ANK3: variants seen among roughly 807,000 people sequenced by gnomAD.
ANK3 encodes the protein ankyrin 3.
Under a neutral mutation model 370.9 loss-of-function variants are expected in ANK3, and 57 were observed. The observed-to-expected ratio is 0.15, with a 90% CI of 0.12 to 0.19. The LOEUF (loss-of-function observed/expected upper bound fraction) is 0.19, where lower values mean the gene tolerates loss of function less well. Ranked by LOEUF, ANK3 falls within the 10% of genes least tolerant of loss-of-function variation. The pLI is 1.00. For synonymous variants in ANK3, 1,929 were observed against 1,946.3 expected (o/e 0.99, Z 0.23); for missense variants, 4,439 against 5,302.1 (o/e 0.84, Z 5.06).
At chr10:60,354,446 T>C (rs988347139) in intron 1 of ANK3, among the ~76,000 whole-genome samples, 3 of 152,254 alleles carry the variant, frequency 2.0e-5, no homozygotes, top group Non-Finnish European at 4.4e-5. Context: ...AGTAAACTGC[T>C]TTCATTACCA....
chr10:60,542,125 T>TA (rs893743698), intron 2 of ANK3, among the ~76,000 whole-genome samples: 1 of 151,690 alleles, frequency 6.6e-6, no homozygotes, highest in Non-Finnish European at 1.5e-5. Context: ...TTGGCTGTAA[T>TA]TTTTTTTAAT....
chr10:60,391,628 C>G (rs1276600492), upstream of ANK3, among the ~76,000 whole-genome samples: 1 of 152,178 alleles, frequency 6.6e-6, no homozygotes, highest in Non-Finnish European at 1.5e-5. Flanking sequence ...CCTGGATCAT[C>G]TTTTCTTTCT....
chr10:60,121,961 G>A lies in ANK3; in HGVS notation c.2842-7630C>T, dbSNP rs558886537. On this transcript the variant is annotated intron_variant, in intron 25 of 43. Transcript: ENST00000280772. ...AATTTTAAAATAAAAATGATAAACA[G>A]GATACCACATATGATGATGGTTAAA... Among the ~76,000 whole-genome samples, 5 of 152,170 alleles carry A rather than the reference G, an allele frequency of 3.3e-5. No individual in the cohort carries two copies. In the South Asian group the frequency reaches 1.0e-3, roughly 32 times the overall value.
At chr10:60,660,509 C>T (rs61854514) in intron 1 of ANK3, among the ~76,000 whole-genome samples, 22,394 of 151,834 alleles carry the variant, frequency 0.15, 2,088 homozygotes, top group South Asian at 0.26. Context: ...TCCAAGTTGC[C>T]CCTGTTGTCA....
chr10:60,381,262 G>A (rs776940171), intron 1 of ANK3, among the ~76,000 whole-genome samples: 2 of 151,800 alleles, frequency 1.3e-5, no homozygotes, highest in Non-Finnish European at 2.9e-5. Flanking sequence ...GCAAAATAAA[G>A]TTCATTTATT....
At chr10:60,395,564 C>CT (rs763375553) in intron 2 of ANK3, among the ~76,000 whole-genome samples, 5 of 101,714 alleles carry the variant, frequency 4.9e-5, no homozygotes, top group South Asian at 6.2e-4. Context: ...TTCTTTCTTT[C>CT]TTTCTTTCTT....
chr10:60,278,903 C>A (rs761975684), intron 3 of ANK3, 31 bp from the exon 4 acceptor site: 6 of 1,603,430 alleles, frequency 3.7e-6, no homozygotes, highest in Non-Finnish European at 4.3e-6. Flanking sequence ...TATATCAACT[C>A]ATCGATCTTT....
In ANK3 at chr10:60,084,707, G is replaced by A. The variant is rs140104995; in HGVS notation, c.3969C>T (p.Pro1323=). 154 of 1,613,648 alleles carry A rather than the reference G, an allele frequency of 9.5e-5. 2 individuals are homozygous for A. Among genetic ancestry groups the A allele is most frequent in the African/African-American group, 4.7e-4 (35 of 75,008 alleles). ...KFVVFAKMND[P]VESSLRCFCM... ...AGAAACATCGCAAGGAAGATTCTAC[G>A]GGATCATTCATTTTGGCAAAAACAA... The change falls in exon 32 of 44, where the codon CCC becomes CCT. Residue 1323 remains proline, a synonymous_variant. Transcript: ENST00000280772.
At chr10:60,084,052 C>T (rs888288570) in intron 32 of ANK3, 1 of 154,416 alleles carries the variant, frequency 6.5e-6, no homozygotes, top group African/African-American at 2.4e-5. Context: ...AAAATGGAGA[C>T]CATAACTTAA....
Position 60,076,006 on chromosome 10 carries a change from A to G in ANK3, c.4875T>C (p.Ser1625=). 6.2e-7 allele frequency: 1 copy of G among 1,614,186 alleles called. No individual in the cohort carries two copies. The highest frequency in any genetic ancestry group is 8.5e-7 in the Non-Finnish European group (1 of 1,180,010). The change falls in exon 37 of 44, where the codon TCT becomes TCC. Residue 1625 remains serine, a synonymous_variant. Coordinates refer to ENST00000280772, the MANE Select transcript of ANK3 (RefSeq NM_020987.5). ...AAAGAGACCCTGCTGTAGTCACTGG[A>G]GAGGTTCGAGAGGAAAACGTAGAAT... ...ASNSTFSSRT[S]PVTTAGSLLE... is the part of the protein sequence containing the mutation.
chr10:60,126,527 A>C (rs1485026917), intron 25 of ANK3, among the ~76,000 whole-genome samples: 1 of 152,038 alleles, frequency 6.6e-6, no homozygotes, highest in African/African-American at 2.4e-5. Flanking sequence ...CTCTACTAAA[A>C]ATACAAAAAA....
chr10:60,319,034 T>C (rs1418677437), intron 1 of ANK3, among the ~76,000 whole-genome samples: 1 of 152,164 alleles, frequency 6.6e-6, no homozygotes. Context: ...ATGTACTTGG[T>C]AATGAGGACT....
chr10:60,301,362 A>C (rs2043749779), intron 1 of ANK3, among the ~76,000 whole-genome samples: 1 of 144,500 alleles, frequency 6.9e-6, no homozygotes, highest in African/African-American at 2.6e-5. Context: ...ACATGCACGC[A>C]CAGATACACA....
intron 2 of ANK3, among the ~76,000 whole-genome samples, chr10:60,445,434 T>A (rs1203171948): frequency 9.2e-5 from 14 of 151,890 alleles, no homozygotes; most frequent in Admixed American, 7.2e-4. Flanking sequence ...CAAAAGCTCT[T>A]AGCATATACT....
At chr10:60,347,636 A>G (rs948126779) in intron 1 of ANK3, among the ~76,000 whole-genome samples, 1 of 152,126 alleles carries the variant, frequency 6.6e-6, no homozygotes, top group African/African-American at 2.4e-5. Flanking sequence ...TAATGAATGA[A>G]TAGTTAAGTT....
intron 2 of ANK3, among the ~76,000 whole-genome samples, chr10:60,440,451 C>T (rs183793183): frequency 2.0e-5 from 3 of 152,236 alleles, no homozygotes; most frequent in East Asian, 3.9e-4. Flanking sequence ...GTTCTTCAAC[C>T]AAGAGTTCTA....
At chr10:60,403,276 G>A (rs1049322982) in intron 2 of ANK3, among the ~76,000 whole-genome samples, 2 of 152,020 alleles carry the variant, frequency 1.3e-5, no homozygotes, top group Non-Finnish European at 2.9e-5. Flanking sequence ...AACATTTTGG[G>A]GGAAAAATCA....
intron 1 of ANK3, among the ~76,000 whole-genome samples, chr10:60,653,037 C>A (rs528045118): frequency 2.0e-5 from 3 of 152,052 alleles, no homozygotes; most frequent in African/African-American, 4.8e-5. Context: ...TTATAAGAGA[C>A]CTCTATAATT....
intron 2 of ANK3, among the ~76,000 whole-genome samples, chr10:60,541,029 A>G (rs564360571): frequency 1.3e-5 from 2 of 152,092 alleles, no homozygotes; most frequent in African/African-American, 4.8e-5. Flanking sequence ...TATAGTCATA[A>G]TGGAACATCA....
Sources: gnomAD v4.1 joint callset for allele counts (sites outside exome capture counted in the v4.1 genomes callset) on GRCh38, gnomAD v4.1.1 for gene constraint, MANE v1.5 for transcripts, NCBI Gene and HGNC (gene_info 2026-07-23, HGNC 2026-07-21) for gene names.